The following TLN2 variants were observed in gnomAD, a reference collection of about 807,000 sequenced individuals.
TLN2 encodes the protein talin-2.
TLN2 carries 118 observed loss-of-function variants against 294.7 expected under a neutral mutation model. The observed-to-expected ratio is 0.40, with a 90% CI of 0.34 to 0.47. TLN2 has a LOEUF of 0.47. TLN2 is among the 20% of genes least tolerant of loss of function. The probability of loss-of-function intolerance (pLI) is 0.84; values close to 1 mark genes in which losing one functional copy is unlikely to be tolerated. For missense variants in TLN2, 3,083 were observed against 3,282.2 expected (o/e 0.94, Z 1.48); for synonymous variants, 1,431 against 1,304.5 (o/e 1.10, Z -2.09).
intron 42 of TLN2, among the ~76,000 whole-genome samples, chr15:62,771,913 A>G (rs1430021702): frequency 2.0e-5 from 3 of 152,216 alleles, no homozygotes; most frequent in African/African-American, 7.2e-5. Flanking sequence ...TCCATATTTT[A>G]GAAACATTTA....
At chr15:62,442,442 C>T (rs535904910) in intron 1 of TLN2, among the ~76,000 whole-genome samples, 103 of 140,944 alleles carry the variant, frequency 7.3e-4, no homozygotes, top group African/African-American at 2.5e-3. Context: ...TGCAGTGAGC[C>T]GAGACTACGC....
At chr15:62,416,181 C>G (rs1237796442) in intron 1 of TLN2, among the ~76,000 whole-genome samples, 1 of 152,146 alleles carries the variant, frequency 6.6e-6, no homozygotes, top group African/African-American at 2.4e-5. Flanking sequence ...TGCCTGTAGT[C>G]CCAGCTACTT....
At chr15:62,835,596 G>C (rs982638851) in intron 55 of TLN2, 141 bp from the exon 56 acceptor site, 8 of 835,790 alleles carry the variant, frequency 9.6e-6, no homozygotes, top group South Asian at 6.0e-5. Context: ...GAGAAAGGTT[G>C]CTCCATTCTC....
chr15:62,742,024 G>GGGT (rs1555495837), intron 32 of TLN2, among the ~76,000 whole-genome samples: 2 of 82,222 alleles, frequency 2.4e-5, no homozygotes, highest in African/African-American at 8.9e-5. Flanking sequence ...CTTGTAGTGG[G>GGGT]GTGTGTGTGT....
chr15:62,490,938 A>G (rs2038671359), intron 1 of TLN2, among the ~76,000 whole-genome samples: 1 of 152,224 alleles, frequency 6.6e-6, no homozygotes, highest in South Asian at 2.1e-4. Flanking sequence ...CACACCGTTG[A>G]CATAGCCTTA....
intron 55 of TLN2, 145 bp from the exon 56 acceptor site, chr15:62,835,592 G>T: frequency 1.2e-6 from 1 of 823,244 alleles, no homozygotes; most frequent in Non-Finnish European, 2.0e-6. Context: ...ACGTGAGAAA[G>T]GTTGCTCCAT....
intron 3 of TLN2, among the ~76,000 whole-genome samples, chr15:62,620,324 A>G (rs1596364733): frequency 6.6e-6 from 1 of 152,042 alleles, no homozygotes; most frequent in African/African-American, 2.4e-5. Flanking sequence ...TAATTTGGCC[A>G]ATATATAAGC....
At chr15:62,700,798 A>G (rs927967588) in intron 16 of TLN2, among the ~76,000 whole-genome samples, 1 of 152,174 alleles carries the variant, frequency 6.6e-6, no homozygotes, top group Non-Finnish European at 1.5e-5. Context: ...TTCTCTCCTC[A>G]TTCTTTTTCA....
Position 62,612,669 on chromosome 15 carries a change from A to G in TLN2, c.-161-5682A>G, listed in dbSNP as rs28444695. 2.5e-3 allele frequency among the ~76,000 whole-genome samples: 388 copies of G among 152,250 alleles called. 4 individuals carry two copies. The highest frequency in any genetic ancestry group is 9.1e-3 in the African/African-American group (377 of 41,548). On this transcript the variant is annotated intron_variant, in intron 2 of 58. Coordinates refer to ENST00000636159, the MANE Select transcript of TLN2 (RefSeq NM_015059.3). ...TTTTCTTGTTGTCACCAGAAAAGCA[A>G]TTTGTTAAAAATAAGCCATGTTCTT...
At position 62,692,830 on chromosome 15, in the gene TLN2, G is replaced by A; in HGVS notation, c.1114-10G>A. 2 of 1,611,188 alleles carry A rather than the reference G, an allele frequency of 1.2e-6. No homozygotes were observed. Among genetic ancestry groups the A allele is most frequent in the Non-Finnish European group, 1.7e-6 (2 of 1,178,196 alleles). On this transcript the variant is annotated splice_polypyrimidine_tract_variant and intron_variant, in intron 12 of 58. Coordinates refer to ENST00000636159, the MANE Select transcript of TLN2 (RefSeq NM_015059.3). ...ATTTGGCTATATTTCCTCCATTGCT[G>A]TCTTTTCAGGATTTTGGGGAGTATC... is the stretch of plus-strand genomic sequence containing the variant.
intron 1 of TLN2, among the ~76,000 whole-genome samples, chr15:62,573,775 CTTTTTTTT>C (rs58692120): frequency 6.9e-6 from 1 of 145,066 alleles, no homozygotes; most frequent in Admixed American, 6.9e-5. Context: ...CTTCCTTTTT[CTTTTTTTT>C]TTTTTTAAAA....
rs563714370 is a variant in TLN2, at chr15:62,717,568, C to T, written c.2764-8C>T. ...GCAGATCCTGACTCATCTATCACTC[C>T]TCTGCAGGTTGCAGCCAAGCAGGCC... On this transcript the variant is annotated splice_polypyrimidine_tract_variant and splice_region_variant and intron_variant, in intron 23 of 58. Coordinates refer to ENST00000636159, the MANE Select transcript of TLN2 (RefSeq NM_015059.3). 5 of 1,545,264 alleles carry T rather than the reference C, an allele frequency of 3.2e-6. No individual in the cohort carries two copies. Among genetic ancestry groups the T allele is most frequent in the African/African-American group, 1.4e-5 (1 of 73,588 alleles).
intron 43 of TLN2, among the ~76,000 whole-genome samples, chr15:62,780,146 T>C (rs1282442718): frequency 1.3e-5 from 2 of 152,242 alleles, no homozygotes; most frequent in African/African-American, 4.8e-5. Flanking sequence ...AGCCCCCTCC[T>C]GTTCAGGTCA....
At chr15:62,798,700 G>A (rs1219551278) in intron 48 of TLN2, among the ~76,000 whole-genome samples, 1 of 152,194 alleles carries the variant, frequency 6.6e-6, no homozygotes, top group Non-Finnish European at 1.5e-5. Flanking sequence ...GCCCCCAGGG[G>A]ATGCAGTGAC....
chr15:62,752,439 G>T lies in TLN2; in HGVS notation c.4332+12G>T. On this transcript the variant is annotated intron_variant, in intron 35 of 58. Coordinates refer to ENST00000636159, the MANE Select transcript of TLN2 (RefSeq NM_015059.3). ...AGGCTGCAGCCCAGGTAAGGGGCTA[G>T]TCCCGATGCAGCCATGTGCCCTGTG... 1 of 1,613,820 alleles carries T rather than the reference G, an allele frequency of 6.2e-7. No individual in the cohort carries two copies. The highest frequency in any genetic ancestry group is 8.5e-7 in the Non-Finnish European group (1 of 1,179,866).
Position 62,838,952 on chromosome 15 carries a change from A to G in TLN2, c.7471A>G (p.Lys2491Glu), listed in dbSNP as rs1448529940. 1 of 1,614,090 alleles carries G rather than the reference A, an allele frequency of 6.2e-7. No homozygotes were observed. The highest frequency in any genetic ancestry group is 8.5e-7 in the Non-Finnish European group (1 of 1,180,034). Residue 2491 changes from lysine (K) to glutamate (E), a missense_variant, in exon 58 of 59, where the codon AAA (lysine) becomes GAA (glutamate). Coordinates refer to ENST00000636159, the MANE Select transcript of TLN2 (RefSeq NM_015059.3). ...AGCTGATGACGACGATGTTGTAGTG[A>G]AAACCAAGTTTGTGGGGGGCATTGC... ...GKADDDDVVVKTKFVGGIAQI... is the reference protein window; with the variant it reads ...GKADDDDVVVETKFVGGIAQI...
chr15:62,722,638 C>T (rs756369940), intron 26 of TLN2, 151 bp downstream of exon 26: 45 of 1,020,694 alleles, frequency 4.4e-5, no homozygotes, highest in Non-Finnish European at 5.6e-5. Flanking sequence ...TGTGGGTTGG[C>T]TTTTGTTGCA....
intron 44 of TLN2, 128 bp from the exon 45 acceptor site, chr15:62,783,643 A>G: frequency 6.9e-7 from 1 of 1,441,066 alleles, no homozygotes; most frequent in Non-Finnish European, 9.1e-7. Context: ...CCTGGCCTTC[A>G]CCCCCTCAGG....
At chr15:62,537,823 C>T (rs138920228) in intron 1 of TLN2, among the ~76,000 whole-genome samples, 128 of 152,296 alleles carry the variant, frequency 8.4e-4, no homozygotes, top group African/African-American at 2.8e-3. Flanking sequence ...CCAGTTCAAG[C>T]ATCTAAACAG....
Sources: allele counts gnomAD v4.1 joint callset (sites outside exome capture counted in the v4.1 genomes callset), GRCh38; gene constraint gnomAD v4.1.1; transcripts MANE v1.5; gene names NCBI Gene and HGNC (gene_info 2026-07-23, HGNC 2026-07-21).